FBF1: variants seen among roughly 807,000 people sequenced by gnomAD.
The protein encoded by FBF1 is fas-binding factor 1.
A neutral mutation model predicts 147.2 loss-of-function variants in FBF1; 119 were observed. The ratio of observed to expected loss-of-function variants is 0.81; its 90% CI spans 0.70 to 0.94. The LOEUF is 0.94. FBF1 is among the 40% of genes least tolerant of loss of function. FBF1 has a pLI of 0.00. For missense variants in FBF1, 1,449 were observed against 1,500.8 expected (o/e 0.97, Z 0.57); for synonymous variants, 601 against 609.0 (o/e 0.99, Z 0.19).
At position 75,925,295 on chromosome 17, in the gene FBF1, C is replaced by A; in HGVS notation, c.968+52G>T. Reference sequence around the variant, plus strand: ...GGGGACAGCTGCAGGGGCCTGTCTTCCCAGTGGCCGACCTGTCTCAAGAGG... The same window carrying A: ...GGGGACAGCTGCAGGGGCCTGTCTTACCAGTGGCCGACCTGTCTCAAGAGG... On this transcript the variant is annotated intron_variant, in intron 13 of 29. Transcript: ENST00000636174. The surrounding 1 kb of genome is among the most constrained non-coding windows in gnomAD (Gnocchi z 5.0). 3 of 1,458,962 alleles carry A rather than the reference C, an allele frequency of 2.1e-6. No homozygotes were observed. The highest frequency in any genetic ancestry group is 2.4e-5 in the South Asian group (2 of 83,992). 90.4% of individuals were successfully genotyped at this position (1,458,962 alleles called of 1,614,324 possible).
intron 29 of FBF1, among the ~76,000 whole-genome samples, chr17:75,911,982 G>A (rs2065459153): frequency 1.3e-5 from 2 of 152,200 alleles, no homozygotes; most frequent in Non-Finnish European, 2.9e-5. Flanking sequence ...GTTATCATGA[G>A]GTTTAACTGA....
At position 75,918,843 on chromosome 17, in the gene FBF1, A is replaced by G. The variant is rs183769002; in HGVS notation, c.2139-574T>C. 7.8e-6 allele frequency among the ~76,000 whole-genome samples: 1 copy of G among 128,950 alleles called. No individual in the cohort carries two copies. Among genetic ancestry groups the G allele is most frequent in the East Asian group, 2.3e-4 (1 of 4,438 alleles). The allele number at this position is 128,950 out of a possible 152,430, so 84.6% of individuals were successfully genotyped here. ...TTTTTCCTAGAGATGAGGTCTCACT[A>G]TGTTGCCCAGGCTGGTCTTGAACTC... On this transcript the variant is annotated intron_variant, in intron 20 of 29. Coordinates refer to ENST00000636174, the MANE Select transcript of FBF1 (RefSeq NM_001319193.2). The surrounding 1 kb of genome is among the most constrained non-coding windows in gnomAD (Gnocchi z 5.8).
intron 7 of FBF1, 52 bp downstream of exon 7, chr17:75,929,945 A>AGGGCCCCCC: frequency 6.1e-6 from 4 of 650,824 alleles, no homozygotes; most frequent in East Asian, 2.8e-5. Context: ...AAATATCATG[A>AGGGCCCCCC]CCCCACCCCA....
chr17:75,916,553 A>C (rs1452454098), intron 23 of FBF1, among the ~76,000 whole-genome samples: 1 of 152,230 alleles, frequency 6.6e-6, no homozygotes, highest in Non-Finnish European at 1.5e-5. Context: ...CAAGGAGGTC[A>C]GGCTGCAGTG....
rs1475401824 is a variant in FBF1, at chr17:75,910,292, G to T, written c.*431C>A. On this transcript the variant is annotated 3_prime_UTR_variant, in exon 30 of 30. Transcript: ENST00000636174. This position sits in a 1 kb window ranked among gnomAD's most constrained non-coding sequence, Gnocchi z 4.1. ...TCAGGGAGGGAACTGCTCTGGCAGG[G>T]AGTAGGGAAGGCTGTTTGTGGCATC... The T allele has an allele frequency of 3.0e-6, 1 of 331,470 alleles. No individual in the cohort carries two copies. Among genetic ancestry groups the T allele is most frequent in the Non-Finnish European group, 5.9e-6 (1 of 169,920 alleles). The allele number at this position is 331,470 out of a possible 1,614,324, so 20.5% of individuals were successfully genotyped here. A position where few individuals can be genotyped will look rare whatever the true frequency, so the allele number is the denominator to read the frequency against.
Position 75,919,242 on chromosome 17 carries a change from G to C in FBF1, c.2138+426C>G, listed in dbSNP as rs552456653. 1.3e-5 allele frequency among the ~76,000 whole-genome samples: 2 copies of C among 152,292 alleles called. No individual in the cohort carries two copies. Among genetic ancestry groups the C allele is most frequent in the African/African-American group, 4.8e-5 (2 of 41,560 alleles). ...TTAAAAGGCTGCCTCTGCCTTCATC[G>C]ACCTCTGACTCCCTTAGGTAACTTT... On this transcript the variant is annotated intron_variant, in intron 20 of 29. Transcript: ENST00000636174. This position sits in a 1 kb window ranked among gnomAD's most constrained non-coding sequence, Gnocchi z 5.0.
At chr17:75,915,626 T>G (rs2065484037) in intron 23 of FBF1, among the ~76,000 whole-genome samples, 1 of 152,228 alleles carries the variant, frequency 6.6e-6, no homozygotes, top group African/African-American at 2.4e-5. Context: ...TAAAAGCATC[T>G]CTATCTACGT....
Position 75,931,285 on chromosome 17 carries a change from G to A in FBF1, c.172C>T (p.Leu58Phe), listed in dbSNP as rs1870715629. ...GTGCTGAAGACATCATCACCCAGGAGGGACCTGCAAAGGGGAGGCGTCAGC... is the reference window on the plus strand; with the variant it reads ...GTGCTGAAGACATCATCACCCAGGAAGGACCTGCAAAGGGGAGGCGTCAGC... Reference protein sequence around the residue: ...FPSSKARTKSLLGDDVFSTMA... With the variant: ...FPSSKARTKSFLGDDVFSTMA... Residue 58 changes from leucine (L) to phenylalanine (F), a missense_variant, in exon 6 of 30, where the codon CTC becomes TTC. Coordinates refer to ENST00000636174, the MANE Select transcript of FBF1 (RefSeq NM_001319193.2). 1.3e-6 allele frequency: 2 copies of A among 1,582,868 alleles called. No individual in the cohort carries two copies. The highest frequency in any genetic ancestry group is 1.7e-6 in the Non-Finnish European group (2 of 1,164,732).
At position 75,928,614 on chromosome 17, in the gene FBF1, C is replaced by T. The variant is rs916151407; in HGVS notation, c.280-421G>A. ...CACCAGGTCAAGAAATCGAGACCAT[C>T]CTGGCCAACATGATGAAACCCTGTC... On this transcript the variant is annotated intron_variant, in intron 7 of 29. Transcript: ENST00000636174. The surrounding 1 kb of genome is among the most constrained non-coding windows in gnomAD (Gnocchi z 4.2). 2.6e-5 allele frequency among the ~76,000 whole-genome samples: 4 copies of T among 151,990 alleles called. No homozygotes were observed. The highest frequency in any genetic ancestry group is 2.6e-4 in the Admixed American group (4 of 15,252).
At position 75,928,473 on chromosome 17, in the gene FBF1, T is replaced by G. The variant is rs1157741667; in HGVS notation, c.280-280A>C. On this transcript the variant is annotated intron_variant, in intron 7 of 29. Coordinates refer to ENST00000636174, the MANE Select transcript of FBF1 (RefSeq NM_001319193.2). This position sits in a 1 kb window ranked among gnomAD's most constrained non-coding sequence, Gnocchi z 4.2. Reference sequence around the variant, plus strand: ...ACTTGTGGGTTATGCCCAGGGATCCTAGGTGGCTGGTCTCGGGAAAAAAGC... The same window carrying G: ...ACTTGTGGGTTATGCCCAGGGATCCGAGGTGGCTGGTCTCGGGAAAAAAGC... Among the ~76,000 whole-genome samples the G allele has an allele frequency of 6.6e-6, 1 of 152,096 alleles. No individual in the cohort carries two copies. The highest frequency in any genetic ancestry group is 1.5e-5 in the Non-Finnish European group (1 of 68,014).
chr17:75,915,173 T>C, intron 23 of FBF1, 34 bp from the exon 24 acceptor site: 2 of 1,591,790 alleles, frequency 1.3e-6, no homozygotes, highest in African/African-American at 2.7e-5. Flanking sequence ...AGAGCGTGGT[T>C]CCCGCCCTGA....
rs778607618 is a variant in FBF1 at position 75,923,526 on chromosome 17, G to C, written c.1084C>G (p.Leu362Val). 2 of 1,605,926 alleles carry C rather than the reference G, an allele frequency of 1.2e-6. No homozygotes were observed. Among genetic ancestry groups the C allele is most frequent in the Admixed American group, 1.7e-5 (1 of 58,898 alleles). Residue 362 changes from leucine (L) to valine (V), a missense_variant, in exon 14 of 30, where the codon CTC (leucine) becomes GTC (valine). Leu to Val is a conservative substitution (Grantham distance 32). Transcript: ENST00000636174. The surrounding 1 kb of genome is among the most constrained non-coding windows in gnomAD (Gnocchi z 4.1). Reference protein sequence around the residue: ...PRKGGADWLGLKDEDLDLFPA... With the variant: ...PRKGGADWLGVKDEDLDLFPA... ...AACAGGTCCAAGTCCTCGTCCTTGAGGCCCAACCAGTCAGCTCCTCCCTTC... is the reference window on the plus strand; with the variant it reads ...AACAGGTCCAAGTCCTCGTCCTTGACGCCCAACCAGTCAGCTCCTCCCTTC...
At chr17:75,937,796 C>T (rs1365101099) in intron 2 of FBF1, 3 of 667,784 alleles carry the variant, frequency 4.5e-6, no homozygotes, top group Non-Finnish European at 7.9e-6. Context: ...CCCTGCTAAC[C>T]AGCGATGGGT....
rs1470483251 is a variant in FBF1 at position 75,927,454 on chromosome 17, C to T, written c.475+1G>A. The T allele has an allele frequency of 6.3e-7, 1 of 1,586,248 alleles. No individual in the cohort carries two copies. Among genetic ancestry groups the T allele is most frequent in the African/African-American group, 1.3e-5 (1 of 74,436 alleles). On this transcript the variant is annotated splice_donor_variant, in intron 9 of 29. Transcript: ENST00000636174. LOFTEE classifies it high-confidence loss of function. Reference sequence around the variant, plus strand: ...AGAGGCATGACAGGAGCCTATGGTACCTTCAGAGGAAAACCTCCTGTTCTG... The same window carrying T: ...AGAGGCATGACAGGAGCCTATGGTATCTTCAGAGGAAAACCTCCTGTTCTG...
Position 75,910,353 on chromosome 17 carries a change from C to A in FBF1, c.*370G>T. ...GCTCCTGCCTCAGAAGAGGCCCAGGCAAAAAGAGCCCACAACAGTCTACCT... is the reference window on the plus strand; with the variant it reads ...GCTCCTGCCTCAGAAGAGGCCCAGGAAAAAAGAGCCCACAACAGTCTACCT... On this transcript the variant is annotated 3_prime_UTR_variant, in exon 30 of 30. Coordinates refer to ENST00000636174, the MANE Select transcript of FBF1 (RefSeq NM_001319193.2). The surrounding 1 kb of genome is among the most constrained non-coding windows in gnomAD (Gnocchi z 4.1). The A allele has an allele frequency of 3.1e-6, 1 of 323,986 alleles. No individual in the cohort carries two copies. The highest frequency in any genetic ancestry group is 5.9e-6 in the Non-Finnish European group (1 of 169,110). The allele number at this position is 323,986 out of a possible 1,614,324, so 20.1% of individuals were successfully genotyped here.
chr17:75,914,261 C>G lies in FBF1; in HGVS notation c.2852G>C (p.Arg951Pro). Residue 951 changes from arginine (R) to proline (P), a missense_variant, in exon 26 of 30, where the codon CGG (arginine) becomes CCG (proline). Physicochemically the swap from Arg to Pro is moderately radical, Grantham distance 103. Coordinates refer to ENST00000636174, the MANE Select transcript of FBF1 (RefSeq NM_001319193.2). ...CGCTGCCAGCTGCTTCTCCTCGGCC[C>G]GGAGCTCGCTGGCCCTGATCTTCAG... ...AELKIRASEL[R>P]AEEKQLAAER... The G allele has an allele frequency of 6.3e-7, 1 of 1,593,008 alleles. No homozygotes were observed. Among genetic ancestry groups the G allele is most frequent in the East Asian group, 2.3e-5 (1 of 44,268 alleles).
intron 23 of FBF1, 37 bp downstream of exon 23, chr17:75,917,695 G>T: frequency 6.6e-7 from 1 of 1,512,390 alleles, no homozygotes. Flanking sequence ...AGGCCCCGTG[G>T]CAGGAGGGGC....
At chr17:75,921,661 G>C in intron 15 of FBF1, 101 bp from the exon 16 acceptor site, 1 of 773,978 alleles carries the variant, frequency 1.3e-6, no homozygotes, top group South Asian at 1.6e-5. Context: ...ACGGGGCAGG[G>C]TGGGCAGCCT....
chr17:75,929,945 A>AGGGGGGCCCCC, intron 7 of FBF1, 52 bp downstream of exon 7: 1 of 650,894 alleles, frequency 1.5e-6, no homozygotes, highest in Non-Finnish European at 2.8e-6. Context: ...AAATATCATG[A>AGGGGGGCCCCC]CCCCACCCCA....
Sources: allele counts gnomAD v4.1 joint callset (sites outside exome capture counted in the v4.1 genomes callset), GRCh38; gene constraint gnomAD v4.1.1; non-coding constraint Gnocchi (gnomAD v3.1); transcripts MANE v1.5; gene names NCBI Gene and HGNC (gene_info 2026-07-23, HGNC 2026-07-21).